APC2: variants seen among roughly 807,000 people sequenced by gnomAD.
APC2 encodes APC regulator of Wnt signaling pathway 2.
A neutral mutation model predicts 72.5 loss-of-function variants in APC2; 41 were observed. That is an observed-to-expected ratio of 0.57 (90% CI 0.44 to 0.73). The LOEUF is 0.73. Ranked by LOEUF, APC2 falls within the 30% of genes least tolerant of loss-of-function variation. The pLI, the probability that APC2 is intolerant of heterozygous loss-of-function variation, is 0.00. For synonymous variants in APC2, 1,898 were observed against 1,612.0 expected, an observed-to-expected ratio of 1.18 and a Z score of -4.25; for missense variants, 3,729 against 3,403.4, an observed-to-expected ratio of 1.10 and a Z score of -2.38.
Position 1,453,501 on chromosome 19 carries a change from C to T in APC2, c.303C>T (p.Ala101=), listed in dbSNP as rs771734271. ...FQPPTLGPEP[A]ARTPEGSPVH... ...CGCCCACCCTGGGCCCGGAGCCTGC[C>T]GCCCGGACCCCCGAGGGCAGCCCAG... The change falls in exon 4 of 15, where the codon GCC becomes GCT. Residue 101 remains alanine, a synonymous_variant. Coordinates refer to ENST00000590469, the MANE Select transcript of APC2 (RefSeq NM_005883.3). The T allele has an allele frequency of 1.2e-5, 20 of 1,606,990 alleles. No homozygotes were observed. The highest frequency in any genetic ancestry group is 1.4e-5 in the Non-Finnish European group (16 of 1,175,934).
rs1345919067 is a variant in APC2 at position 1,466,480 on chromosome 19, C to A, written c.3179C>A (p.Ala1060Glu). 2 of 1,597,954 alleles carry A rather than the reference C, an allele frequency of 1.3e-6. No individual in the cohort carries two copies. The highest frequency in any genetic ancestry group is 1.1e-5 in the South Asian group (1 of 90,922). Residue 1060 changes from alanine (A) to glutamate (E), a missense_variant, in exon 15 of 15, where the codon GCG becomes GAG. Physicochemically the swap from Ala to Glu is moderately radical, Grantham distance 107. Transcript: ENST00000590469. ...VASKALQKLA[A>E]QEGPLSLSRC... ...AGCAAGGCACTGCAGAAACTGGCGG[C>A]GCAAGAGGGGCCACTCTCGCTGTCC...
At chr19:1,462,735 C>A (rs180732195) in intron 14 of APC2, among the ~76,000 whole-genome samples, 32 of 150,624 alleles carry the variant, frequency 2.1e-4, no homozygotes, top group African/African-American at 7.6e-4. Flanking sequence ...CTTTGGGAGG[C>A]CGAGGCGGGC....
At chr19:1,460,341 G>A (rs1269034369) in intron 11 of APC2, 21 bp downstream of exon 11, 3 of 1,612,984 alleles carry the variant, frequency 1.9e-6, no homozygotes, top group Non-Finnish European at 2.5e-6. Flanking sequence ...GCAGTGGGTG[G>A]GCTGGCACTT....
upstream of APC2, chr19:1,446,435 G>A: frequency 1.1e-6 from 1 of 897,834 alleles, no homozygotes; most frequent in Non-Finnish European, 1.3e-6. The surrounding 1 kb of genome is among the most constrained non-coding windows in gnomAD (Gnocchi z 6.1). Context: ...GCGGCGGCGG[G>A]GGGCGCATGG....
Position 1,466,428 on chromosome 19 carries a change from C to G in APC2, c.3127C>G (p.Leu1043Val), listed in dbSNP as rs1459623599. Residue 1043 changes from leucine (L) to valine (V), a missense_variant, in exon 15 of 15, where the codon CTG becomes GTG. Coordinates refer to ENST00000590469, the MANE Select transcript of APC2 (RefSeq NM_005883.3). ...ADHLSKVPEK[L>V]AAAPLSVASK... ...CCACCTGAGCAAGGTTCCCGAGAAG[C>G]TGGCGGCTGCCCCGCTGTCTGTGGC... The G allele has an allele frequency of 2.5e-6, 4 of 1,597,356 alleles. No homozygotes were observed. The highest frequency in any genetic ancestry group is 1.7e-4 in the Middle Eastern group (1 of 6,056).
Position 1,456,983 on chromosome 19 carries a change from T to G in APC2, c.947T>G (p.Leu316Arg). Residue 316 changes from leucine (L) to arginine (R), a missense_variant, in exon 9 of 15, where the codon CTG becomes CGG. Coordinates refer to ENST00000590469, the MANE Select transcript of APC2 (RefSeq NM_005883.3). ...ATGCGCCGCTCGGGCTGTCTGCCTC[T>G]GCTGCTGCAAATCCTCCACGGCACC... ...VAMRRSGCLP[L>R]LLQILHGTEA... 6.5e-7 allele frequency: 1 copy of G among 1,536,802 alleles called. No individual in the cohort carries two copies. The highest frequency in any genetic ancestry group is 8.7e-7 in the Non-Finnish European group (1 of 1,147,438).
At chr19:1,458,400 C>T (rs1302848214) in intron 10 of APC2, 5 of 282,060 alleles carry the variant, frequency 1.8e-5, no homozygotes, top group South Asian at 5.9e-5. Context: ...GGGTGTTTTA[C>T]GTTTGAGGAC....
chr19:1,467,194 C>A lies in APC2; in HGVS notation c.3893C>A (p.Pro1298His). 2 of 1,502,500 alleles carry A rather than the reference C, an allele frequency of 1.3e-6. No homozygotes were observed. The highest frequency in any genetic ancestry group is 1.8e-6 in the Non-Finnish European group (2 of 1,130,196). 93.1% of individuals were successfully genotyped at this position (1,502,500 alleles called of 1,614,324 possible). Reference sequence around the variant, plus strand: ...CAGGACGTGGAGCTGCGGCTGCTGCCCTCGGCCTGCCCCGAGCGCGGCGGG... The same window carrying A: ...CAGGACGTGGAGCTGCGGCTGCTGCACTCGGCCTGCCCCGAGCGCGGCGGG... ...VQQDVELRLL[P>H]SACPERGGGA... is the part of the protein sequence containing the mutation. The change falls in exon 15 of 15, where the codon CCC (proline) becomes CAC (histidine). Residue 1298 changes from proline to histidine, a missense_variant. By Grantham distance (77) the Pro-to-His change is moderately conservative. Transcript: ENST00000590469.
At chr19:1,448,949 G>A (rs2083712934), upstream of APC2, among the ~76,000 whole-genome samples, 1 of 152,352 alleles carries the variant, frequency 6.6e-6, no homozygotes, top group African/African-American at 2.4e-5. Context: ...GCTGCGTCCA[G>A]CTCTGGGGGC....
At chr19:1,446,718 C>T (rs919121973), upstream of APC2, among the ~76,000 whole-genome samples, 1 of 152,098 alleles carries the variant, frequency 6.6e-6, no homozygotes, top group Admixed American at 6.5e-5. The surrounding 1 kb of genome is among the most constrained non-coding windows in gnomAD (Gnocchi z 6.1). Context: ...GGAGGCTCGG[C>T]CCTGCGCAGG....
At position 1,460,185 on chromosome 19, in the gene APC2, G is replaced by C. The variant is rs746345497; in HGVS notation, c.1308G>C (p.Gly436=). 3 of 1,613,228 alleles carry C rather than the reference G, an allele frequency of 1.9e-6. No individual in the cohort carries two copies. The African/African-American group carries it at 4.0e-5, about 22-fold the overall frequency. The stretch of plus-strand genomic sequence containing the variant: ...AACCTTGTTGGGTCCTCACAGGTGG[G>C]CTGCAGGCCGTGGCAGAGCTGCTGC... ...EYRRAMNELG[G]LQAVAELLQV... is the part of the protein sequence containing the mutation. The change falls in exon 11 of 15, where the codon GGG becomes GGC. Residue 436 remains glycine (G), a synonymous_variant. Coordinates refer to ENST00000590469, the MANE Select transcript of APC2 (RefSeq NM_005883.3).
At chr19:1,462,783 A>G (rs1373070664) in intron 14 of APC2, among the ~76,000 whole-genome samples, 1 of 147,082 alleles carries the variant, frequency 6.8e-6, no homozygotes, top group Admixed American at 6.8e-5. Flanking sequence ...ATCCTGCCTA[A>G]CACGGTGAAA....
In APC2 at chr19:1,452,870, C is replaced by CA. The variant is rs956397246; in HGVS notation, c.-18-114_-18-113insA. 3.0e-6 allele frequency: 4 copies of CA among 1,318,476 alleles called. No homozygotes were observed. In the African/African-American group the frequency reaches 5.9e-5, roughly 19 times the overall value. 81.7% of individuals were successfully genotyped at this position (1,318,476 alleles called of 1,614,324 possible). On this transcript the variant is annotated intron_variant, in intron 1 of 14. Transcript: ENST00000590469. The surrounding 1 kb of genome is among the most constrained non-coding windows in gnomAD (Gnocchi z 5.1). ...CAGTGACTCCTGCCTGAGACCCCCCCCAACCCAGGATCAGGCAGGACGGCT... is the reference window on the plus strand; with the variant it reads ...CAGTGACTCCTGCCTGAGACCCCCCCACAACCCAGGATCAGGCAGGACGGCT...
Position 1,465,668 on chromosome 19 carries a change from G to A in APC2, c.2367G>A (p.Ala789=). 4 of 1,598,566 alleles carry A rather than the reference G, an allele frequency of 2.5e-6. No individual in the cohort carries two copies. Among genetic ancestry groups the A allele is most frequent in the Non-Finnish European group, 3.4e-6 (4 of 1,174,146 alleles). ...DDDDAPSSLA[A]AAATGEPASP... ...ACGATGCACCGTCATCCCTGGCTGC[G>A]GCCGCGGCCACCGGGGAGCCAGCCA... Residue 789 remains alanine, a synonymous_variant, in exon 15 of 15, where the codon GCG becomes GCA. Coordinates refer to ENST00000590469, the MANE Select transcript of APC2 (RefSeq NM_005883.3).
upstream of APC2, among the ~76,000 whole-genome samples, chr19:1,447,979 T>C (rs1225048846): frequency 1.3e-5 from 2 of 152,076 alleles, no homozygotes; most frequent in South Asian, 2.1e-4. Context: ...TTAGTTCCTC[T>C]TTGGGGGAGG....
In APC2 at chr19:1,469,290, T is replaced by G. The variant is rs1021347949; in HGVS notation, c.5989T>G (p.Phe1997Val). ...DRSGFRRQLT[F>V]IKESPGLRRR... ...CTCGGGCTTCCGGCGACAGCTAACC[T>G]TCATCAAGGAGTCGCCGGGCTTGCG... The change falls in exon 15 of 15, where the codon TTC becomes GTC. Residue 1997 changes from phenylalanine to valine, a missense_variant. By Grantham distance (50) the Phe-to-Val change is conservative. Coordinates refer to ENST00000590469, the MANE Select transcript of APC2 (RefSeq NM_005883.3). 2.1e-6 allele frequency: 3 copies of G among 1,419,990 alleles called. No individual in the cohort carries two copies. Among genetic ancestry groups the G allele is most frequent in the African/African-American group, 3.0e-5 (2 of 66,396 alleles). The allele number at this position is 1,419,990 out of a possible 1,614,324, so 88.0% of individuals were successfully genotyped here.
At position 1,471,487 on chromosome 19, in the gene APC2, C is replaced by CG. The variant is rs1326544487; in HGVS notation, c.*1279dup. ...GGGGCTCGGCTGCCTCATCCCCTGG[C>CG]GGGGGAGGCTGGGAGCTGGGCCTCC... On this transcript the variant is annotated 3_prime_UTR_variant, in exon 15 of 15. Transcript: ENST00000590469. 2.6e-5 allele frequency: 4 copies of CG among 152,196 alleles called. No homozygotes were observed. Among genetic ancestry groups the CG allele is most frequent in the Admixed American group, 6.5e-5 (1 of 15,270 alleles). 9.4% of individuals were successfully genotyped at this position (152,196 alleles called of 1,614,324 possible). A position where few individuals can be genotyped will look rare whatever the true frequency, so the allele number is the denominator to read the frequency against.
Position 1,456,086 on chromosome 19 carries a change from C to T in APC2, c.650C>T (p.Ser217Leu). Residue 217 changes from serine (S) to leucine (L), a missense_variant, in exon 7 of 15, where the codon TCG (serine) becomes TTG (leucine). Physicochemically the swap from Ser to Leu is moderately radical, Grantham distance 145 (BLOSUM62 -2). Coordinates refer to ENST00000590469, the MANE Select transcript of APC2 (RefSeq NM_005883.3). ...TGTGGTCCTGAGCAGATCCGCGCCT[C>T]GCGCCTGGAGCAGATTGACAAGGAG... ...EMVQRAQIRA[S>L]RLEQIDKELL... is the part of the protein sequence containing the mutation. The T allele has an allele frequency of 1.3e-6, 2 of 1,578,538 alleles. No homozygotes were observed. Among genetic ancestry groups the T allele is most frequent in the South Asian group, 2.3e-5 (2 of 86,720 alleles).
At chr19:1,448,086 G>GA (rs915511958), upstream of APC2, among the ~76,000 whole-genome samples, 2 of 152,152 alleles carry the variant, frequency 1.3e-5, no homozygotes, top group African/African-American at 4.8e-5. Context: ...AGGCTGAGCT[G>GA]AAGCCAGGGC....
Sources: allele counts gnomAD v4.1 joint callset (sites outside exome capture counted in the v4.1 genomes callset), GRCh38; gene constraint gnomAD v4.1.1; non-coding constraint Gnocchi (gnomAD v3.1); transcripts MANE v1.5; gene names NCBI Gene and HGNC (gene_info 2026-07-23, HGNC 2026-07-21).